PTK2: variants seen among roughly 807,000 people sequenced by gnomAD.
The protein encoded by PTK2 is focal adhesion kinase 1.
In PTK2, 45 loss-of-function variants were observed where a neutral mutation model predicts 150.1. The ratio of observed to expected loss-of-function variants is 0.30; its 90% CI spans 0.24 to 0.38. The LOEUF (loss-of-function observed/expected upper bound fraction) is 0.38. Among genes scored for constraint, PTK2 ranks in the 10% least tolerant of loss-of-function variants. PTK2 has a pLI of 1.00. For synonymous variants in PTK2, 432 were observed against 449.2 expected (o/e 0.96, Z 0.48); for missense variants, 919 against 1,307.3 (o/e 0.70, Z 4.58).
chr8:140,989,739 T>C (rs1387810807), intron 1 of PTK2, among the ~76,000 whole-genome samples: 1 of 151,630 alleles, frequency 6.6e-6, no homozygotes, highest in African/African-American at 2.4e-5. Context: ...AGAAACCTCA[T>C]CTCTACTAAA....
chr8:140,812,198 C>G (rs1303947136), intron 10 of PTK2, among the ~76,000 whole-genome samples: 1 of 152,204 alleles, frequency 6.6e-6, no homozygotes, highest in Non-Finnish European at 1.5e-5. Flanking sequence ...AGATAAACAG[C>G]AGACCTCTCA....
intron 5 of PTK2, among the ~76,000 whole-genome samples, chr8:140,861,103 G>A (rs2100135815): frequency 6.6e-6 from 1 of 152,204 alleles, no homozygotes; most frequent in African/African-American, 2.4e-5. Context: ...CACTTTGGGA[G>A]GCCAGGGCGG....
At chr8:140,740,636 G>C (rs576235629) in intron 20 of PTK2, among the ~76,000 whole-genome samples, 1 of 152,258 alleles carries the variant, frequency 6.6e-6, no homozygotes, top group East Asian at 1.9e-4. Flanking sequence ...TTAAAATGTT[G>C]TTCAAATGAT....
rs137969573 is a variant in PTK2, at chr8:140,710,375, A to G, written c.2143-4170T>C. Among the ~76,000 whole-genome samples the G allele has an allele frequency of 4.4e-3, 666 of 151,534 alleles. 4 individuals carry two copies. Among genetic ancestry groups the G allele is most frequent in the African/African-American group, 0.015 (631 of 41,282 alleles). On this transcript the variant is annotated intron_variant, in intron 23 of 31. Transcript: ENST00000522684. ...TCTGTATCTATATTTAAAATAATTT[A>G]AAGTATACTGAAAGATGGGAAGATG... is the stretch of plus-strand genomic sequence containing the variant.
At chr8:140,992,962 G>T (rs1416124138) in intron 1 of PTK2, among the ~76,000 whole-genome samples, 1 of 152,106 alleles carries the variant, frequency 6.6e-6, no homozygotes, top group African/African-American at 2.4e-5. Context: ...AATTAATCCA[G>T]TTGATTAGCA....
exon 3 of PTK2, chr8:140,890,758 A>G: frequency 6.2e-7 from 1 of 1,613,938 alleles, no homozygotes; most frequent in South Asian, 1.1e-5. Flanking sequence ...GATGCTAGGT[A>G]TCTGTCATAT....
At chr8:140,684,665 T>C (rs531233322) in intron 27 of PTK2, among the ~76,000 whole-genome samples, 5 of 152,242 alleles carry the variant, frequency 3.3e-5, no homozygotes, top group African/African-American at 1.2e-4. Context: ...AGGTGAAAGA[T>C]CTCTACAATA....
At chr8:140,792,797 C>T (rs2100089278) in intron 13 of PTK2, among the ~76,000 whole-genome samples, 1 of 152,220 alleles carries the variant, frequency 6.6e-6, no homozygotes, top group African/African-American at 2.4e-5. Flanking sequence ...TCTGAAAGCA[C>T]TTACCACACA....
At chr8:140,811,414 C>A (rs2100101479) in intron 10 of PTK2, among the ~76,000 whole-genome samples, 1 of 152,316 alleles carries the variant, frequency 6.6e-6, no homozygotes, top group South Asian at 2.1e-4. Context: ...AGCAAAAATA[C>A]AAAGGTCAGC....
intron 10 of PTK2, among the ~76,000 whole-genome samples, chr8:140,816,342 T>C (rs913988006): frequency 6.6e-6 from 1 of 152,060 alleles, no homozygotes; most frequent in Non-Finnish European, 1.5e-5. Context: ...TGAAACACAA[T>C]ATCAAAAAAA....
At chr8:140,807,463 T>C (rs1006682016) in intron 10 of PTK2, among the ~76,000 whole-genome samples, 7 of 152,214 alleles carry the variant, frequency 4.6e-5, no homozygotes, top group South Asian at 2.1e-4. Flanking sequence ...CTGACTAAGG[T>C]AACACTCAAG....
chr8:140,896,787 A>ATGGGG (rs1340018657), intron 2 of PTK2, among the ~76,000 whole-genome samples: 4 of 21,574 alleles, frequency 1.9e-4, no homozygotes, highest in African/African-American at 3.4e-4. Context: ...CCCCAAAAAA[A>ATGGGG]CGGGGGGGGG....
intron 3 of PTK2, among the ~76,000 whole-genome samples, chr8:140,888,193 G>A (rs1265293079): frequency 1.3e-5 from 2 of 152,098 alleles, no homozygotes; most frequent in African/African-American, 2.4e-5. Context: ...ACAATACTCT[G>A]TATCCATAAT....
At chr8:140,755,619 A>T (rs1410422214) in intron 16 of PTK2, among the ~76,000 whole-genome samples, 2 of 151,930 alleles carry the variant, frequency 1.3e-5, no homozygotes, top group African/African-American at 2.4e-5. Context: ...CAGCATCTTG[A>T]CCTCCCATTT....
At chr8:140,668,555 C>A (rs745772306) in intron 29 of PTK2, 131 bp from the exon 34 acceptor site, 13 of 1,031,904 alleles carry the variant, frequency 1.3e-5, no homozygotes, top group South Asian at 1.2e-4. Context: ...CTTGTGTGTG[C>A]GGGATATAGT....
intron 10 of PTK2, among the ~76,000 whole-genome samples, chr8:140,815,745 CAAT>C (rs1045133701): frequency 1.3e-5 from 2 of 151,526 alleles, no homozygotes; most frequent in African/African-American, 4.8e-5. Flanking sequence ...TTAATTGGCT[CAAT>C]ATTATCATAA....
At chr8:140,854,142 T>C (rs973878711) in intron 5 of PTK2, among the ~76,000 whole-genome samples, 4 of 152,222 alleles carry the variant, frequency 2.6e-5, no homozygotes, top group East Asian at 1.9e-4. Flanking sequence ...CAACTTCCTA[T>C]TGCAACTCCT....
At chr8:140,803,487 C>G in intron 11 of PTK2, 56 bp downstream of exon 11, 1 of 1,429,400 alleles carries the variant, frequency 7.0e-7, no homozygotes. Flanking sequence ...GTCAACAATT[C>G]TAAAACATCC....
chr8:140,854,025 G>A (rs1440526944), intron 5 of PTK2, among the ~76,000 whole-genome samples: 3 of 152,128 alleles, frequency 2.0e-5, no homozygotes, highest in African/African-American at 7.2e-5. Flanking sequence ...TAAAAGGAAG[G>A]TGACCAATAA....
Sources: gnomAD v4.1 joint callset for allele counts (sites outside exome capture counted in the v4.1 genomes callset) on GRCh38, gnomAD v4.1.1 for gene constraint, MANE v1.5 for transcripts, NCBI Gene and HGNC (gene_info 2026-07-23, HGNC 2026-07-21) for gene names.